SAMD5: variants seen among roughly 807,000 people sequenced by gnomAD.
SAMD5 encodes sterile alpha motif domain containing 5, also known as sterile alpha motif domain-containing protein 5.
In SAMD5, 13 loss-of-function variants were observed where a neutral mutation model predicts 11.3. That is an observed-to-expected ratio of 1.15 (90% CI 0.75 to 1.83). The LOEUF is 1.83. Ranked by LOEUF, SAMD5 falls within the 40% of genes most tolerant of loss-of-function variation. The pLI is 0.00. For missense variants in SAMD5, 255 were observed against 239.1 expected (o/e 1.07, Z -0.44); for synonymous variants, 129 against 111.3 (o/e 1.16, Z -1.00).
chr6:147,916,250 T>C, the SAMD5 span, among the ~76,000 whole-genome samples: 1 of 152,138 alleles, frequency 6.6e-6, no homozygotes, highest in Non-Finnish European at 1.5e-5. Context: ...TGATTTATAA[T>C]CCTTTGGGTA....
At chr6:147,953,332 A>G in the SAMD5 span, 35 of 151,742 alleles carry the variant, frequency 2.3e-4, no homozygotes, top group South Asian at 7.1e-3. Flanking sequence ...CACTTCAGCC[A>G]TTCGACTCTC....
At chr6:147,553,526 C>T (rs972079912) in intron 1 of SAMD5, among the ~76,000 whole-genome samples, 1 of 152,170 alleles carries the variant, frequency 6.6e-6, no homozygotes, top group African/African-American at 2.4e-5. Flanking sequence ...ACTCTGGACC[C>T]ACGCTGGACA....
At chr6:147,549,419 G>GC (rs1347567928) in intron 1 of SAMD5, among the ~76,000 whole-genome samples, 1 of 152,194 alleles carries the variant, frequency 6.6e-6, no homozygotes, top group Non-Finnish European at 1.5e-5. Flanking sequence ...AACAGGAAGT[G>GC]CAAGGATATT....
chr6:147,520,345 T>G (rs1466281289), intron 1 of SAMD5, among the ~76,000 whole-genome samples: 2 of 152,166 alleles, frequency 1.3e-5, no homozygotes, highest in African/African-American at 4.8e-5. Context: ...GGTCTCAAAC[T>G]CCTGACCTCA....
At chr6:147,823,939 T>C in the SAMD5 span, among the ~76,000 whole-genome samples, 1 of 152,182 alleles carries the variant, frequency 6.6e-6, no homozygotes, top group Non-Finnish European at 1.5e-5. Flanking sequence ...CTATTTCCAT[T>C]TGAAAATTAT....
At chr6:147,909,578 T>TCC in the SAMD5 span, among the ~76,000 whole-genome samples, 28 of 59,778 alleles carry the variant, frequency 4.7e-4, no homozygotes, top group African/African-American at 2.9e-3. Flanking sequence ...CTTTCTTTCT[T>TCC]TCTTTCTTTC....
chr6:147,857,352 A>AC, the SAMD5 span, among the ~76,000 whole-genome samples: 1 of 151,574 alleles, frequency 6.6e-6, no homozygotes, highest in East Asian at 1.9e-4. Flanking sequence ...AAAAAAAAAA[A>AC]AAAAATTAGC....
chr6:147,663,419 G>T (rs193079505), intron 1 of SAMD5, among the ~76,000 whole-genome samples: 9 of 152,254 alleles, frequency 5.9e-5, no homozygotes, highest in Non-Finnish European at 1.0e-4. Context: ...AAATCCCCAT[G>T]AACCAAGCTT....
At chr6:147,876,883 G>T in the SAMD5 span, among the ~76,000 whole-genome samples, 8 of 152,182 alleles carry the variant, frequency 5.3e-5, no homozygotes, top group Non-Finnish European at 7.3e-5. Flanking sequence ...GATCAATTGC[G>T]ATGACAAGGA....
intron 1 of SAMD5, among the ~76,000 whole-genome samples, chr6:147,627,790 G>A (rs1944640): frequency 0.48 from 72,290 of 151,958 alleles, 17,666 homozygotes; most frequent in Middle Eastern, 0.57. Context: ...CCGTATACCT[G>A]GATAAATTTG....
intron 1 of SAMD5, among the ~76,000 whole-genome samples, chr6:147,625,317 T>C (rs893255514): frequency 2.0e-5 from 3 of 152,186 alleles, no homozygotes; most frequent in African/African-American, 7.2e-5. Context: ...GCTTTCGTAA[T>C]GTTAGGATCA....
rs529975933 is a variant in SAMD5 at position 147,626,791 on chromosome 6, GAAAAAAAAAAA to G, written c.163-110510_163-110500del. Among the ~76,000 whole-genome samples the G allele has an allele frequency of 2.2e-4, 12 of 54,728 alleles. No individual in the cohort carries two copies. The East Asian group carries it at 7.6e-3, about 35-fold the overall frequency. 35.9% of individuals were successfully genotyped at this position (54,728 alleles called of 152,430 possible). A position where few individuals can be genotyped will look rare whatever the true frequency, so the allele number is the denominator to read the frequency against. ...CAACATAACGAGACACTGTTTCTAT[GAAAAAAAAAAA>G]AAAAAAAAAAAAAAAGAAAGAAAGA... On this transcript the variant is annotated intron_variant, in intron 1 of 1. Coordinates refer to the SAMD5 transcript ENST00000566741.
chr6:147,656,078 T>C (rs1233325610), intron 1 of SAMD5, among the ~76,000 whole-genome samples: 3 of 152,158 alleles, frequency 2.0e-5, no homozygotes, highest in Non-Finnish European at 4.4e-5. Context: ...TTTAAGACCA[T>C]GAGATAGAGA....
chr6:147,677,615 A>G lies in SAMD5; in HGVS notation c.163-59702A>G, dbSNP rs78279836. Reference sequence around the variant, plus strand: ...CAAGAGGATGAAGCCTCAGAGTAGCATAAAGGGGCTGGGCAGCAGAAGAGC... The same window carrying G: ...CAAGAGGATGAAGCCTCAGAGTAGCGTAAAGGGGCTGGGCAGCAGAAGAGC... On this transcript the variant is annotated intron_variant, in intron 1 of 1. Transcript: ENST00000566741. Among the ~76,000 whole-genome samples, 732 of 152,270 alleles carry G rather than the reference A, an allele frequency of 4.8e-3. 4 individuals are homozygous for G. Among genetic ancestry groups the G allele is most frequent in the African/African-American group, 0.017 (696 of 41,554 alleles).
At chr6:147,636,808 A>G (rs896187927) in intron 1 of SAMD5, among the ~76,000 whole-genome samples, 4 of 152,210 alleles carry the variant, frequency 2.6e-5, no homozygotes, top group African/African-American at 7.2e-5. Flanking sequence ...TTGATGAACA[A>G]CCCTGAGACC....
chr6:147,864,447 G>C, the SAMD5 span, among the ~76,000 whole-genome samples: 6 of 152,176 alleles, frequency 3.9e-5, no homozygotes, highest in Admixed American at 3.9e-4. Flanking sequence ...CTACGTCTCT[G>C]AGCAGTGCTC....
At chr6:147,616,163 T>TAATGAAATGATTA (rs1789865817) in intron 1 of SAMD5, among the ~76,000 whole-genome samples, 1 of 131,784 alleles carries the variant, frequency 7.6e-6, no homozygotes, top group Non-Finnish European at 1.7e-5. Context: ...TTCATATATA[T>TAATGAAATGATTA]TTCATATATA....
intron 1 of SAMD5, among the ~76,000 whole-genome samples, chr6:147,686,072 T>C (rs552611854): frequency 6.6e-6 from 1 of 152,366 alleles, no homozygotes; most frequent in East Asian, 1.9e-4. Context: ...ACTACCTGTA[T>C]TTATTGACCG....
At chr6:147,698,129 G>A (rs1002298359) in intron 1 of SAMD5, among the ~76,000 whole-genome samples, 7 of 152,132 alleles carry the variant, frequency 4.6e-5, no homozygotes, top group Non-Finnish European at 7.3e-5. Context: ...AACAGGAGGC[G>A]GAGCTCAGGC....
Sources: allele counts gnomAD v4.1 joint callset (sites outside exome capture counted in the v4.1 genomes callset), GRCh38; gene constraint gnomAD v4.1.1; transcripts MANE v1.5; gene names NCBI Gene and HGNC (gene_info 2026-07-23, HGNC 2026-07-21).